The following SOD2 variants were observed in gnomAD, a reference collection of about 807,000 sequenced individuals.
SOD2 encodes the protein superoxide dismutase [Mn], mitochondrial.
Under a neutral mutation model 27.0 loss-of-function variants are expected in SOD2, and 11 were observed. The ratio of observed to expected loss-of-function variants is 0.41; its 90% confidence interval spans 0.26 to 0.67. The LOEUF is 0.67. Among genes scored for constraint, SOD2 ranks in the 30% least tolerant of loss-of-function variants. The pLI is 0.34. For synonymous variants in SOD2, 105 were observed against 103.0 expected (o/e 1.02, Z -0.12); for missense variants, 250 against 274.5 (o/e 0.91, Z 0.63).
intron 1 of SOD2, among the ~76,000 whole-genome samples, chr6:159,757,909 G>C (rs1780048236): frequency 6.6e-6 from 1 of 152,186 alleles, no homozygotes; most frequent in Admixed American, 6.5e-5. Flanking sequence ...AAGAGTTTGT[G>C]ATAGGAAATT....
chr6:159,737,737 C>T (rs1779008433), intron 1 of SOD2, among the ~76,000 whole-genome samples: 1 of 152,136 alleles, frequency 6.6e-6, no homozygotes, highest in Non-Finnish European at 1.5e-5. Context: ...AGATATACTC[C>T]CGCCTCAGTC....
At chr6:159,700,397 G>A (rs1157715845) in intron 1 of SOD2, among the ~76,000 whole-genome samples, 1 of 152,198 alleles carries the variant, frequency 6.6e-6, no homozygotes, top group Non-Finnish European at 1.5e-5. Context: ...GCTCACGCCT[G>A]TAATCCGAGC....
At chr6:159,753,317 C>G (rs752084864) in intron 1 of SOD2, 379 of 1,203,198 alleles carry the variant, frequency 3.1e-4, no homozygotes, top group Non-Finnish European at 4.1e-4. Context: ...GGATGTGTCC[C>G]AGAAAAGAAG....
rs1376997190 is a variant in SOD2 at position 159,671,906 on chromosome 6, T to C, written c.*10587A>G. On this transcript the variant is annotated 3_prime_UTR_variant, in exon 5 of 5. Transcript: ENST00000538183. ...ATAGAGAAGTCCTTAAATGACCTGATGGAGCTGAAAACCATGGCATGAGAA... is the reference window on the plus strand; with the variant it reads ...ATAGAGAAGTCCTTAAATGACCTGACGGAGCTGAAAACCATGGCATGAGAA... The C allele has an allele frequency of 1.3e-5, 2 of 152,172 alleles. No homozygotes were observed. The highest frequency in any genetic ancestry group is 2.4e-5 in the African/African-American group (1 of 41,432). 9.4% of individuals were successfully genotyped at this position (152,172 alleles called of 1,614,324 possible). A position where few individuals can be genotyped will look rare whatever the true frequency, so the allele number is the denominator to read the frequency against.
chr6:159,708,369 C>T (rs1332145028), intron 1 of SOD2, among the ~76,000 whole-genome samples: 3 of 152,110 alleles, frequency 2.0e-5, no homozygotes, highest in Non-Finnish European at 4.4e-5. Flanking sequence ...TCTAGAAAAC[C>T]CCATCATCTC....
In SOD2 at chr6:159,678,440, T is replaced by A. The variant is rs1437139577; in HGVS notation, c.*4053A>T. On this transcript the variant is annotated 3_prime_UTR_variant, in exon 5 of 5. Coordinates refer to ENST00000538183, the MANE Select transcript of SOD2 (RefSeq NM_000636.4). ...TACTTGGGAGGCTGAGGCATGAGAATCGCTTGAACTCAGGAGGTGGAGGTT... is the reference window on the plus strand; with the variant it reads ...TACTTGGGAGGCTGAGGCATGAGAAACGCTTGAACTCAGGAGGTGGAGGTT... 2.6e-5 allele frequency: 4 copies of A among 152,146 alleles called. No homozygotes were observed. The highest frequency in any genetic ancestry group is 9.7e-5 in the African/African-American group (4 of 41,400). 9.4% of individuals were successfully genotyped at this position (152,146 alleles called of 1,614,324 possible).
chr6:159,685,244 T>TTC (rs1780133208), intron 3 of SOD2, among the ~76,000 whole-genome samples: 3 of 136,562 alleles, frequency 2.2e-5, no homozygotes, highest in Admixed American at 7.6e-5. Flanking sequence ...TTTTTTTTTT[T>TTC]CATTTTTTAC....
chr6:159,727,798 G>T, upstream of SOD2: 1 of 873,698 alleles, frequency 1.1e-6, no homozygotes, highest in Non-Finnish European at 1.4e-6. Context: ...GGGCGGGCAG[G>T]GCCCGAAAGG....
chr6:159,716,469 C>T (rs1276373284), intron 1 of SOD2, among the ~76,000 whole-genome samples: 3 of 152,178 alleles, frequency 2.0e-5, no homozygotes, highest in Non-Finnish European at 4.4e-5. Context: ...GAAAACATTT[C>T]ACCTCATGTG....
At chr6:159,761,825 G>A (rs1228575774) in exon 1 of SOD2, 16 of 215,896 alleles carry the variant, frequency 7.4e-5, no homozygotes, top group African/African-American at 3.3e-4. Flanking sequence ...CCCAGACCCC[G>A]GCCTCACTTC....
At chr6:159,710,706 ACCT>A (rs1777719028) in intron 1 of SOD2, among the ~76,000 whole-genome samples, 1 of 150,952 alleles carries the variant, frequency 6.6e-6, no homozygotes, top group South Asian at 2.1e-4. Flanking sequence ...CACCCTAACC[ACCT>A]CCATAACCAC....
chr6:159,707,648 C>G (rs914018964), intron 1 of SOD2, among the ~76,000 whole-genome samples: 2 of 152,262 alleles, frequency 1.3e-5, no homozygotes, highest in African/African-American at 4.8e-5. Flanking sequence ...CAAAAAAAGT[C>G]CAGGACTAGA....
In SOD2 at chr6:159,675,822, T is replaced by C. The variant is rs1226315182; in HGVS notation, c.*6671A>G. 2 of 151,978 alleles carry C rather than the reference T, an allele frequency of 1.3e-5. No homozygotes were observed. Among genetic ancestry groups the C allele is most frequent in the Admixed American group, 1.3e-4 (2 of 15,248 alleles). The allele number at this position is 151,978 out of a possible 1,614,324, so 9.4% of individuals were successfully genotyped here. A position where few individuals can be genotyped will look rare whatever the true frequency, so the allele number is the denominator to read the frequency against. ...CAGAGTGAACAGGCAACCTACAAAA[T>C]GGGAGAAAATTTTTGCAATCTACTC... On this transcript the variant is annotated 3_prime_UTR_variant, in exon 5 of 5. Coordinates refer to ENST00000538183, the MANE Select transcript of SOD2 (RefSeq NM_000636.4).
At chr6:159,732,884 ATAGTGTGTGTGTGT>A (rs1290694543) in intron 1 of SOD2, among the ~76,000 whole-genome samples, 3 of 83,418 alleles carry the variant, frequency 3.6e-5, no homozygotes, top group African/African-American at 5.7e-5. Flanking sequence ...GTATATATAT[ATAGTGTGTGTGTGT>A]GTGTGTGTGT....
At chr6:159,744,959 G>A (rs1779486909) in intron 1 of SOD2, among the ~76,000 whole-genome samples, 1 of 152,174 alleles carries the variant, frequency 6.6e-6, no homozygotes, top group Non-Finnish European at 1.5e-5. Context: ...GGGATTATAG[G>A]TGTGAGCCAT....
At chr6:159,756,505 A>G (rs1330765973) in intron 1 of SOD2, among the ~76,000 whole-genome samples, 1 of 151,822 alleles carries the variant, frequency 6.6e-6, no homozygotes, top group Admixed American at 6.6e-5. Context: ...GTTTAGGGCT[A>G]CACTTAAAAT....
intron 1 of SOD2, among the ~76,000 whole-genome samples, chr6:159,703,533 G>T (rs184613505): frequency 6.6e-6 from 1 of 151,392 alleles, no homozygotes; most frequent in Admixed American, 6.6e-5. Flanking sequence ...AACTCCTAAA[G>T]TATTAGTATT....
upstream of SOD2, chr6:159,727,572 A>G (rs946224165): frequency 1.0e-6 from 1 of 986,282 alleles, no homozygotes; most frequent in African/African-American, 1.8e-5. Flanking sequence ...TTGCGGCGGG[A>G]CTAGGAGCGC....
chr6:159,715,800 T>C (rs1777913105), intron 1 of SOD2, among the ~76,000 whole-genome samples: 1 of 151,112 alleles, frequency 6.6e-6, no homozygotes, highest in Non-Finnish European at 1.5e-5. Context: ...CCTGGGGGGC[T>C]GAGGTGGGAG....
Sources: allele counts gnomAD v4.1 joint callset (sites outside exome capture counted in the v4.1 genomes callset), GRCh38; gene constraint gnomAD v4.1.1; transcripts MANE v1.5; gene names NCBI Gene and HGNC (gene_info 2026-07-23, HGNC 2026-07-21).